Variants in MARCHF1 observed in about 807,000 individuals in gnomAD.
MARCHF1 encodes the protein membrane associated ring-CH-type finger 1.
Under a neutral mutation model 54.2 loss-of-function variants are expected in MARCHF1, and 40 were observed. The ratio of observed to expected loss-of-function variants is 0.74; its 90% confidence interval spans 0.57 to 0.96. MARCHF1 has a LOEUF of 0.96. MARCHF1 is among the 40% of genes least tolerant of loss of function. The pLI is 0.00. For missense variants in MARCHF1, 586 were observed against 656.5 expected (o/e 0.89, Z 1.17); for synonymous variants, 236 against 236.3 (o/e 1.00, Z 0.01).
At position 163,854,039 on chromosome 4, in the gene MARCHF1, G is replaced by C. The variant is rs2111170154; in HGVS notation, c.93C>G (p.Ala31=). The C allele has an allele frequency of 6.5e-7, 1 of 1,536,786 alleles. No homozygotes were observed. Among genetic ancestry groups the C allele is most frequent in the Non-Finnish European group, 8.7e-7 (1 of 1,146,650 alleles). The change falls in exon 4 of 10, where the codon GCC becomes GCG. Residue 31 remains alanine (A), a synonymous_variant. Transcript: ENST00000514618. ...TPEISGDLAD[A]SQTSTLNEKS... ...CACTCACCAATGTGGAGGTTTGTGA[G>C]GCGTCAGCCAAATCCCCTGAGATCT...
intron 1 of MARCHF1, among the ~76,000 whole-genome samples, chr4:164,236,227 A>C (rs1170855780): frequency 6.6e-6 from 1 of 152,146 alleles, no homozygotes; most frequent in East Asian, 1.9e-4. Context: ...TTCTAAGGGA[A>C]ATACTGGGTT....
chr4:164,199,244 C>T (rs1731369548), intron 1 of MARCHF1, among the ~76,000 whole-genome samples: 2 of 152,134 alleles, frequency 1.3e-5, no homozygotes, highest in Admixed American at 1.3e-4. Context: ...GATTTCAAAC[C>T]TTCAACATTT....
Position 163,545,587 on chromosome 4 carries a change from T to C in MARCHF1, c.1339+9A>G. ...ATCCAAGAGGGTAAGAAGAAAGATG[T>C]GCTCTTACCATTGTCATTGCCTTGC... On this transcript the variant is annotated intron_variant, in intron 9 of 9. Coordinates refer to ENST00000514618, the MANE Select transcript of MARCHF1 (RefSeq NM_001394959.1). 1 of 1,610,452 alleles carries C rather than the reference T, an allele frequency of 6.2e-7. No homozygotes were observed. Among genetic ancestry groups the C allele is most frequent in the Non-Finnish European group, 8.5e-7 (1 of 1,178,410 alleles).
chr4:164,351,266 C>G (rs1307332216), intron 1 of MARCHF1, among the ~76,000 whole-genome samples: 3 of 149,878 alleles, frequency 2.0e-5, no homozygotes, highest in Admixed American at 2.0e-4. Flanking sequence ...CACGACAGCT[C>G]AAGGAGGCCT....
intron 1 of MARCHF1, among the ~76,000 whole-genome samples, chr4:164,374,242 G>GT (rs1388229189): frequency 6.7e-6 from 1 of 149,136 alleles, no homozygotes; most frequent in Non-Finnish European, 1.5e-5. Context: ...TTTAACAGAC[G>GT]TCAACATTTT....
intron 1 of MARCHF1, among the ~76,000 whole-genome samples, chr4:164,148,820 TA>T (rs1729848577): frequency 6.6e-6 from 1 of 151,956 alleles, no homozygotes; most frequent in Admixed American, 6.6e-5. Flanking sequence ...CAACCACCCA[TA>T]ACAATTAATA....
In MARCHF1 at chr4:164,326,957, T is replaced by TTGTGTGTGTGTGTGTGTG. The variant is rs370504086; in HGVS notation, c.-323+56895_-323+56912dup. ...CTACCTCATAGGTTTGTTGTAAGGA[T>TTGTGTGTGTGTGTGTGTG]TGTGTGTGTGTGTGTGTGTGTGTGT... On this transcript the variant is annotated intron_variant, in intron 1 of 9. Coordinates refer to ENST00000514618, the MANE Select transcript of MARCHF1 (RefSeq NM_001394959.1). 3.1e-3 allele frequency among the ~76,000 whole-genome samples: 417 copies of TTGTGTGTGTGTGTGTGTG among 133,702 alleles called. 6 individuals are homozygous for TTGTGTGTGTGTGTGTGTG. The highest frequency in any genetic ancestry group is 0.012 in the Middle Eastern group (3 of 256). 87.7% of individuals were successfully genotyped at this position (133,702 alleles called of 152,430 possible).
chr4:164,206,783 G>A (rs868047930), intron 1 of MARCHF1, among the ~76,000 whole-genome samples: 21 of 152,010 alleles, frequency 1.4e-4, no homozygotes, highest in African/African-American at 4.8e-4. Flanking sequence ...TCCTTATTAC[G>A]TAACTATAAG....
At chr4:164,332,184 TTTTA>T (rs1336097360) in intron 1 of MARCHF1, among the ~76,000 whole-genome samples, 4 of 152,200 alleles carry the variant, frequency 2.6e-5, no homozygotes, top group African/African-American at 7.2e-5. Context: ...GTCAGGTCTT[TTTTA>T]TTTGTCACTT....
chr4:164,339,291 G>A (rs1336445170), intron 1 of MARCHF1, among the ~76,000 whole-genome samples: 1 of 152,050 alleles, frequency 6.6e-6, no homozygotes, highest in Non-Finnish European at 1.5e-5. Context: ...TCAAGCACAT[G>A]CTAAACATTC....
chr4:163,691,742 T>C (rs1744463835), intron 5 of MARCHF1, among the ~76,000 whole-genome samples: 1 of 152,114 alleles, frequency 6.6e-6, no homozygotes, highest in Non-Finnish European at 1.5e-5. Flanking sequence ...AAACTTAATT[T>C]GAAACTTAAA....
intron 1 of MARCHF1, among the ~76,000 whole-genome samples, chr4:164,230,735 T>G (rs1336398439): frequency 6.6e-6 from 1 of 152,144 alleles, no homozygotes; most frequent in East Asian, 1.9e-4. Context: ...ACCACCCAGT[T>G]AAGCCACTCC....
intron 1 of MARCHF1, among the ~76,000 whole-genome samples, chr4:164,281,203 G>A (rs1734017683): frequency 6.6e-6 from 1 of 152,084 alleles, no homozygotes; most frequent in South Asian, 2.1e-4. Context: ...CAAAATTCAA[G>A]CAAAAGCTTG....
At chr4:163,923,129 T>C (rs550420476) in intron 3 of MARCHF1, among the ~76,000 whole-genome samples, 1 of 152,072 alleles carries the variant, frequency 6.6e-6, no homozygotes, top group Non-Finnish European at 1.5e-5. Flanking sequence ...GTTGCTAAAC[T>C]TCACAGGTAA....
chr4:164,278,042 T>C (rs1186610300), intron 1 of MARCHF1, among the ~76,000 whole-genome samples: 7 of 152,178 alleles, frequency 4.6e-5, no homozygotes, highest in Non-Finnish European at 1.0e-4. Flanking sequence ...GGCCAGGTAC[T>C]GTGGCTTATG....
chr4:164,021,902 C>A (rs1397104865), intron 2 of MARCHF1, among the ~76,000 whole-genome samples: 1 of 150,670 alleles, frequency 6.6e-6, no homozygotes, highest in Non-Finnish European at 1.5e-5. Flanking sequence ...TTTTAGTTAG[C>A]TTTACATATG....
At chr4:163,700,961 G>C in intron 4 of MARCHF1, 98 bp from the exon 5 acceptor site, 2 of 782,462 alleles carry the variant, frequency 2.6e-6, no homozygotes, top group Non-Finnish European at 4.2e-6. Flanking sequence ...GGAAATCTGT[G>C]AATGCTCTCT....
chr4:163,732,429 A>G (rs180974498), intron 4 of MARCHF1, among the ~76,000 whole-genome samples: 49 of 152,268 alleles, frequency 3.2e-4, no homozygotes, highest in African/African-American at 1.1e-3. Context: ...ATATGTAATC[A>G]GAATCCTTAG....
chr4:163,954,920 T>G (rs1167445324), intron 3 of MARCHF1, among the ~76,000 whole-genome samples: 1 of 152,114 alleles, frequency 6.6e-6, no homozygotes, highest in Non-Finnish European at 1.5e-5. Context: ...CAACAAACTA[T>G]AGACTGTTTG....
Sources: gnomAD v4.1 joint callset for allele counts (sites outside exome capture counted in the v4.1 genomes callset) on GRCh38, gnomAD v4.1.1 for gene constraint, MANE v1.5 for transcripts, NCBI Gene and HGNC (gene_info 2026-07-23, HGNC 2026-07-21) for gene names.